The following ST13 variants were observed in gnomAD, a reference collection of about 807,000 sequenced individuals.
ST13 encodes the protein hsc70-interacting protein.
Under a neutral mutation model 56.7 loss-of-function variants are expected in ST13, and 23 were observed. That is an observed-to-expected ratio of 0.41 (90% CI 0.29 to 0.57). ST13 has a LOEUF of 0.57. Among genes scored for constraint, ST13 ranks in the 20% least tolerant of loss-of-function variants. The pLI, the probability that ST13 is intolerant of heterozygous loss-of-function variation, is 0.36. For missense variants in ST13, 369 were observed against 459.9 expected, an observed-to-expected ratio of 0.80 and a Z score of 1.81; for synonymous variants, 132 against 142.4, an observed-to-expected ratio of 0.93 and a Z score of 0.52.
At chr22:40,846,217 T>G (rs2057830491) in intron 3 of ST13, among the ~76,000 whole-genome samples, 1 of 152,204 alleles carries the variant, frequency 6.6e-6, no homozygotes, top group South Asian at 2.1e-4. Context: ...ATTAAAGGTG[T>G]GAGTCACCGT....
intron 5 of ST13, among the ~76,000 whole-genome samples, chr22:40,840,333 TAC>T (rs1338017361): frequency 6.7e-6 from 1 of 148,634 alleles, no homozygotes; most frequent in Non-Finnish European, 1.5e-5. Flanking sequence ...GTTCTACTAC[TAC>T]TTTTTTTTTT....
chr22:40,833,052 T>C (rs558224811), intron 7 of ST13, among the ~76,000 whole-genome samples: 1 of 152,296 alleles, frequency 6.6e-6, no homozygotes, highest in African/African-American at 2.4e-5. Context: ...AATACATGTG[T>C]ACAGGCTTTA....
intron 4 of ST13, among the ~76,000 whole-genome samples, chr22:40,842,152 C>CA (rs952257172): frequency 3.3e-5 from 5 of 152,054 alleles, no homozygotes; most frequent in African/African-American, 4.8e-5. Context: ...TTGGAACAAA[C>CA]AAAAAAACAC....
chr22:40,835,071 G>A (rs1160152123), intron 7 of ST13, among the ~76,000 whole-genome samples: 5 of 152,172 alleles, frequency 3.3e-5, no homozygotes, highest in South Asian at 2.1e-4. Context: ...ATGCCCCCCC[G>A]CCTTCTCCTA....
In ST13 at chr22:40,827,340, A is replaced by T; in HGVS notation, c.848-111T>A. On this transcript the variant is annotated intron_variant, in intron 10 of 11. Coordinates refer to ENST00000216218, the MANE Select transcript of ST13 (RefSeq NM_003932.5). Reference sequence around the variant, plus strand: ...ATATGGGTGCCACTAAGCACAAAGTAGTCTGAAGAGTCTGAAAATTCTAAC... The same window carrying T: ...ATATGGGTGCCACTAAGCACAAAGTTGTCTGAAGAGTCTGAAAATTCTAAC... 15 of 996,248 alleles carry T rather than the reference A, an allele frequency of 1.5e-5. 1 individual carries two copies. In the South Asian group the frequency reaches 2.3e-4, roughly 15 times the overall value. 61.7% of individuals were successfully genotyped at this position (996,248 alleles called of 1,614,324 possible).
At position 40,852,534 on chromosome 22, in the gene ST13, G is replaced by A. The variant is rs138348; in HGVS notation, c.111-1654C>T. Among the ~76,000 whole-genome samples the A allele has an allele frequency of 9.0e-3, 1,374 of 152,274 alleles. 21 individuals carry two copies. Among genetic ancestry groups the A allele is most frequent in the South Asian group, 0.045 (216 of 4,832 alleles). On this transcript the variant is annotated intron_variant, in intron 1 of 11. Transcript: ENST00000216218. The stretch of plus-strand genomic sequence containing the variant: ...TATGAAGCAAAAGTATAAATGCAAA[G>A]TAGCAGATGGAATGAAAAGAAACAG...
intron 2 of ST13, among the ~76,000 whole-genome samples, chr22:40,849,912 C>CAAAA (rs11455161): frequency 2.1e-5 from 3 of 139,716 alleles, no homozygotes; most frequent in Non-Finnish European, 1.6e-5. Flanking sequence ...AGAAAATTTG[C>CAAAA]AAAAAAAAAA....
chr22:40,840,393 A>C (rs1363465696), intron 5 of ST13, among the ~76,000 whole-genome samples: 2 of 151,540 alleles, frequency 1.3e-5, no homozygotes, highest in Non-Finnish European at 2.9e-5. Context: ...CAGCAGAAAA[A>C]CACCACGATA....
intron 7 of ST13, among the ~76,000 whole-genome samples, chr22:40,833,159 G>A (rs1044460028): frequency 1.3e-5 from 2 of 152,056 alleles, no homozygotes; most frequent in Non-Finnish European, 2.9e-5. Context: ...GAATTCACTG[G>A]GTATACCTTT....
chr22:40,855,963 A>G (rs2057891030), intron 1 of ST13, among the ~76,000 whole-genome samples: 1 of 152,214 alleles, frequency 6.6e-6, no homozygotes, highest in African/African-American at 2.4e-5. Flanking sequence ...TTTTACAGTT[A>G]TCATTTTTAT....
chr22:40,831,691 ATC>A (rs1181856451), intron 8 of ST13, among the ~76,000 whole-genome samples: 3 of 152,178 alleles, frequency 2.0e-5, no homozygotes, highest in East Asian at 1.9e-4. Flanking sequence ...CTATCTTAAA[ATC>A]TCTGAGAGTA....
intron 1 of ST13, among the ~76,000 whole-genome samples, chr22:40,851,865 C>A (rs1337372078): frequency 6.6e-6 from 1 of 152,004 alleles, no homozygotes; most frequent in African/African-American, 2.4e-5. Flanking sequence ...CCTGCCTCAG[C>A]CTCCCAAGTA....
At chr22:40,838,980 C>T (rs544000891) in intron 5 of ST13, among the ~76,000 whole-genome samples, 28 of 150,980 alleles carry the variant, frequency 1.9e-4, no homozygotes, top group Admixed American at 1.6e-3. Flanking sequence ...AAGTAAAATA[C>T]AGGATCTTAG....
intron 10 of ST13, among the ~76,000 whole-genome samples, chr22:40,828,618 TAAA>T (rs574469217): frequency 2.9e-5 from 4 of 139,834 alleles, no homozygotes; most frequent in Admixed American, 2.8e-4. Flanking sequence ...GTCTCAATAA[TAAA>T]AAAAAAAATA....
rs551983668 is a variant in ST13, at chr22:40,825,551, C to G, written c.*987G>C. The G allele has an allele frequency of 6.6e-6, 1 of 152,076 alleles. No individual in the cohort carries two copies. Among genetic ancestry groups the G allele is most frequent in the South Asian group, 2.1e-4 (1 of 4,810 alleles). 9.4% of individuals were successfully genotyped at this position (152,076 alleles called of 1,614,324 possible). A position where few individuals can be genotyped will look rare whatever the true frequency, so the allele number is the denominator to read the frequency against. On this transcript the variant is annotated 3_prime_UTR_variant, in exon 12 of 12. Coordinates refer to ENST00000216218, the MANE Select transcript of ST13 (RefSeq NM_003932.5). ...AAACTACAGTTGTTGTGGGTATTAC[C>G]CTACAATTACCATATGTATTACATA...
At chr22:40,848,253 A>C in intron 3 of ST13, 41 bp downstream of exon 3, 1 of 1,416,076 alleles carries the variant, frequency 7.1e-7, no homozygotes, top group East Asian at 2.3e-5. Flanking sequence ...AAAGTATCAC[A>C]TCATAGGTTT....
intron 3 of ST13, among the ~76,000 whole-genome samples, chr22:40,846,981 C>T (rs910062836): frequency 1.3e-5 from 2 of 151,028 alleles, no homozygotes; most frequent in Non-Finnish European, 3.0e-5. Flanking sequence ...GGTGGCAGAG[C>T]GAAACTCAAG....
chr22:40,835,815 G>C lies in ST13; in HGVS notation c.455C>G (p.Ala152Gly), dbSNP rs1438905969. The change falls in exon 6 of 12, where the codon GCC becomes GGC. Residue 152 changes from alanine (A) to glycine (G), a missense_variant. Physicochemically the swap from Ala to Gly is moderately conservative, Grantham distance 60. Around this residue, in one of 3 missense-constraint regions of ST13, gnomAD observed 64 missense variants for 125.1 expected, o/e 0.51. Coordinates refer to ENST00000216218, the MANE Select transcript of ST13 (RefSeq NM_003932.5). Reference protein sequence around the residue: ...KLNPRLAILYAKRASVFVKLQ... With the variant: ...KLNPRLAILYGKRASVFVKLQ... The stretch of plus-strand genomic sequence containing the variant: ...TTAGAGTTCTCACCTGGCCCTCTTG[G>C]CATACAAAATGGCCAAGCGAGGATT... 5 of 1,613,728 alleles carry C rather than the reference G, an allele frequency of 3.1e-6. No homozygotes were observed. The highest frequency in any genetic ancestry group is 1.7e-5 in the Admixed American group (1 of 59,986).
intron 1 of ST13, among the ~76,000 whole-genome samples, chr22:40,854,100 GTTC>G (rs1392071026): frequency 6.6e-6 from 1 of 152,186 alleles, no homozygotes; most frequent in Non-Finnish European, 1.5e-5. Flanking sequence ...CAGATGTACT[GTTC>G]TTCAACAGCT....
Sources: gnomAD v4.1 joint callset for allele counts (sites outside exome capture counted in the v4.1 genomes callset) on GRCh38, gnomAD v4.1.1 for gene constraint, gnomAD v4.1.1 regional missense constraint, MANE v1.5 for transcripts, NCBI Gene and HGNC (gene_info 2026-07-23, HGNC 2026-07-21) for gene names.